MAP3K2: variants seen among roughly 807,000 people sequenced by gnomAD.
MAP3K2 encodes MAP/ERK kinase kinase 2.
A neutral mutation model predicts 80.3 loss-of-function variants in MAP3K2; 24 were observed. The ratio of observed to expected loss-of-function variants is 0.30; its 90% CI spans 0.22 to 0.42. MAP3K2 has a LOEUF of 0.42. MAP3K2 is among the 10% of genes least tolerant of loss of function. The probability of loss-of-function intolerance (pLI) is 1.00; values close to 1 mark genes in which losing one functional copy is unlikely to be tolerated. For synonymous variants in MAP3K2, 244 were observed against 253.7 expected, an observed-to-expected ratio of 0.96 and a Z score of 0.36; for missense variants, 608 against 750.1, an observed-to-expected ratio of 0.81 and a Z score of 2.21.
intron 1 of MAP3K2, among the ~76,000 whole-genome samples, chr2:127,350,246 T>A (rs534789826): frequency 6.6e-6 from 1 of 152,012 alleles, no homozygotes; most frequent in African/African-American, 2.4e-5. Flanking sequence ...ATTCCACTTA[T>A]CAAATATGGG....
chr2:127,330,066 T>A, intron 6 of MAP3K2, 58 bp from the exon 7 acceptor site: 1 of 955,662 alleles, frequency 1.0e-6, no homozygotes, highest in South Asian at 1.3e-5. Context: ...TTAAACAGAA[T>A]CCTCTCCCCT....
In MAP3K2 at chr2:127,339,171, A is replaced by C. The variant is rs72845980; in HGVS notation, c.5-121T>G. On this transcript the variant is annotated intron_variant, in intron 2 of 16. Coordinates refer to ENST00000682094, the MANE Select transcript of MAP3K2 (RefSeq NM_001371910.2). This position sits in a 1 kb window ranked among gnomAD's most constrained non-coding sequence, Gnocchi z 4.2. ...GATGTAGAGAATGTATTAATGCAAA[A>C]ATGCATCTAGAACATTTTTAATGCC... 24,129 of 621,392 alleles carry C rather than the reference A, an allele frequency of 0.039. 640 individuals are homozygous for C. The highest frequency in any genetic ancestry group is 0.051 in the Middle Eastern group (155 of 3,034). 38.5% of individuals were successfully genotyped at this position (621,392 alleles called of 1,614,324 possible).
intron 1 of MAP3K2, among the ~76,000 whole-genome samples, chr2:127,349,623 C>T (rs1031440990): frequency 1.3e-5 from 2 of 151,952 alleles, no homozygotes; most frequent in African/African-American, 2.4e-5. Context: ...AATCTGAGGG[C>T]CAAAAAGATA....
Position 127,387,932 on chromosome 2 carries a change from C to G in MAP3K2, c.-546G>C. The G allele has an allele frequency of 1.0e-6, 1 of 984,860 alleles. No individual in the cohort carries two copies. Among genetic ancestry groups the G allele is most frequent in the East Asian group, 1.1e-4 (1 of 8,752 alleles). 61.0% of individuals were successfully genotyped at this position (984,860 alleles called of 1,614,324 possible). ...GCGGCACCCTCGTCAGGCGCCGCCG[C>G]TGAGGGCAGGCAGCCCGGCAGCCAC... On this transcript the variant is annotated 5_prime_UTR_variant, in exon 1 of 17. Transcript: ENST00000682094.
intron 1 of MAP3K2, among the ~76,000 whole-genome samples, chr2:127,370,870 C>T (rs1469548983): frequency 6.6e-6 from 1 of 152,146 alleles, no homozygotes; most frequent in Non-Finnish European, 1.5e-5. Context: ...CCGCTATCAC[C>T]GGGCCAAAAT....
Position 127,305,668 on chromosome 2 carries a change from T to C in MAP3K2, c.*1911A>G, listed in dbSNP as rs897560879. 2 of 152,166 alleles carry C rather than the reference T, an allele frequency of 1.3e-5. No homozygotes were observed. The highest frequency in any genetic ancestry group is 2.9e-5 in the Non-Finnish European group (2 of 68,014). The allele number at this position is 152,166 out of a possible 1,614,324, so 9.4% of individuals were successfully genotyped here. A position where few individuals can be genotyped will look rare whatever the true frequency, so the allele number is the denominator to read the frequency against. On this transcript the variant is annotated 3_prime_UTR_variant, in exon 17 of 17. Transcript: ENST00000682094. ...GGCCTCCAGGAAGACTGTTGTTTTCTAGACCTTTAAAATAAAGTACTAAAT... is the reference window on the plus strand; with the variant it reads ...GGCCTCCAGGAAGACTGTTGTTTTCCAGACCTTTAAAATAAAGTACTAAAT...
Position 127,318,235 on chromosome 2 carries a change from A to G in MAP3K2, c.1128T>C (p.Val376=). ...TAACAGCCAATTCTCTTCCTGTATC[A>G]ACATCATAACAGAGGTAGACCCTTC... ...AFGRVYLCYD[V]DTGRELAVKQ... The change falls in exon 13 of 17, where the codon GTT becomes GTC. Residue 376 remains valine, a synonymous_variant. Transcript: ENST00000682094. The G allele has an allele frequency of 6.2e-7, 1 of 1,612,358 alleles. No individual in the cohort carries two copies. The highest frequency in any genetic ancestry group is 8.5e-7 in the Non-Finnish European group (1 of 1,179,284).
chr2:127,342,979 TTAAG>T (rs1573994096), intron 2 of MAP3K2, 143 bp downstream of exon 2: 2 of 585,254 alleles, frequency 3.4e-6, no homozygotes, highest in Non-Finnish European at 6.0e-6. Flanking sequence ...TCAAAGTCTA[TTAAG>T]TAAATATAAA....
intron 1 of MAP3K2, among the ~76,000 whole-genome samples, chr2:127,365,014 G>A (rs1318477225): frequency 1.4e-5 from 2 of 146,502 alleles, no homozygotes; most frequent in African/African-American, 5.0e-5. Flanking sequence ...TGTAATCCCT[G>A]CTACTTGGGA....
intron 1 of MAP3K2, among the ~76,000 whole-genome samples, chr2:127,367,517 G>A (rs1048030319): frequency 2.4e-4 from 36 of 152,168 alleles, no homozygotes; most frequent in African/African-American, 8.7e-4. Context: ...TCCAGGCAGG[G>A]CACTGTGGCT....
chr2:127,353,256 GCGT>G (rs2104862586), intron 1 of MAP3K2, among the ~76,000 whole-genome samples: 1 of 152,118 alleles, frequency 6.6e-6, no homozygotes, highest in African/African-American at 2.4e-5. Flanking sequence ...GAAGTGACGA[GCGT>G]CTCTGCCCGG....
upstream of MAP3K2, chr2:127,388,166 T>C (rs1279490992): frequency 4.1e-6 from 4 of 984,328 alleles, no homozygotes; most frequent in African/African-American, 5.3e-5. Context: ...TTCCCAGTCC[T>C]GGCTCCGCCC....
At chr2:127,347,672 C>A (rs1686622358) in intron 1 of MAP3K2, among the ~76,000 whole-genome samples, 1 of 152,124 alleles carries the variant, frequency 6.6e-6, no homozygotes, top group Non-Finnish European at 1.5e-5. Context: ...CCAAAGTTAT[C>A]TACAGATTCA....
Position 127,365,116 on chromosome 2 carries a change from C to CA in MAP3K2, c.-65-21923dup, listed in dbSNP as rs10558890. Reference sequence around the variant, plus strand: ...TGGGCGACAGAGTGAGACTCTGCCTCAAAAAAAAAAAAAAAAAAAAAAAAA... The same window carrying CA: ...TGGGCGACAGAGTGAGACTCTGCCTCAAAAAAAAAAAAAAAAAAAAAAAAAA... On this transcript the variant is annotated intron_variant, in intron 1 of 16. Transcript: ENST00000682094. 6.8e-3 allele frequency among the ~76,000 whole-genome samples: 214 copies of CA among 31,656 alleles called. 74 individuals are homozygous for CA. The highest frequency in any genetic ancestry group is 0.01 in the Non-Finnish European group (178 of 17,146). 20.8% of individuals were successfully genotyped at this position (31,656 alleles called of 152,430 possible).
At chr2:127,353,211 G>A (rs1038992651) in intron 1 of MAP3K2, among the ~76,000 whole-genome samples, 4 of 151,614 alleles carry the variant, frequency 2.6e-5, no homozygotes, top group African/African-American at 9.7e-5. Flanking sequence ...TCTGGAAAGT[G>A]AGGAGCGTCT....
At chr2:127,386,464 G>GC (rs1687348855) in intron 1 of MAP3K2, among the ~76,000 whole-genome samples, 1 of 152,164 alleles carries the variant, frequency 6.6e-6, no homozygotes, top group African/African-American at 2.4e-5. Context: ...ACATAATCCA[G>GC]CAACAAATTT....
At chr2:127,325,679 C>CT in intron 9 of MAP3K2, 49 bp downstream of exon 9, 1 of 1,458,494 alleles carries the variant, frequency 6.9e-7, no homozygotes, top group Non-Finnish European at 9.6e-7. Flanking sequence ...CAGCAAAACT[C>CT]TGTCTCAAAT....
chr2:127,312,541 G>T (rs1473295981), intron 15 of MAP3K2, among the ~76,000 whole-genome samples: 1 of 152,116 alleles, frequency 6.6e-6, no homozygotes, highest in East Asian at 1.9e-4. Flanking sequence ...TGTGCCTGTA[G>T]TCTCAGCTAC....
intron 12 of MAP3K2, among the ~76,000 whole-genome samples, chr2:127,320,758 A>G (rs139200290): frequency 3.3e-5 from 5 of 152,328 alleles, no homozygotes; most frequent in African/African-American, 4.8e-5. Context: ...AGGAACAAAG[A>G]TAAGAATTAT....
Sources: allele counts gnomAD v4.1 joint callset (sites outside exome capture counted in the v4.1 genomes callset), GRCh38; gene constraint gnomAD v4.1.1; non-coding constraint Gnocchi (gnomAD v3.1); transcripts MANE v1.5; gene names NCBI Gene and HGNC (gene_info 2026-07-23, HGNC 2026-07-21).